The following PPP3CA variants were observed in gnomAD, a reference collection of about 807,000 sequenced individuals.
PPP3CA encodes CAM-PRP catalytic subunit.
Under a neutral mutation model 66.5 loss-of-function variants are expected in PPP3CA, and 14 were observed. The ratio of observed to expected loss-of-function variants is 0.21; its 90% CI spans 0.14 to 0.33. PPP3CA has a LOEUF of 0.33. Among genes scored for constraint, PPP3CA ranks in the 10% least tolerant of loss-of-function variants. PPP3CA has a pLI of 1.00. For missense variants in PPP3CA, 317 were observed against 639.5 expected (o/e 0.50, Z 5.44); for synonymous variants, 232 against 226.2 (o/e 1.03, Z -0.23).
rs902681986 is a variant in PPP3CA, at chr4:101,221,934, T to C, written c.59-25818A>G. Among the ~76,000 whole-genome samples the C allele has an allele frequency of 1.5e-4, 23 of 151,598 alleles. 1 individual carries two copies. The highest frequency in any genetic ancestry group is 5.3e-4 in the African/African-American group (22 of 41,382). On this transcript the variant is annotated intron_variant, in intron 1 of 13. Transcript: ENST00000394854. ...TTTCTTATAGATTGCATTCTTAATA[T>C]TACCCAAACACACTTAAAAATAGGA... is the stretch of plus-strand genomic sequence containing the variant.
chr4:101,295,707 G>A (rs1728181388), intron 1 of PPP3CA, among the ~76,000 whole-genome samples: 1 of 152,176 alleles, frequency 6.6e-6, no homozygotes, highest in South Asian at 2.1e-4. Flanking sequence ...AATTTAACCA[G>A]ATGATTAGCA....
intron 1 of PPP3CA, among the ~76,000 whole-genome samples, chr4:101,316,963 G>A (rs2110317131): frequency 6.6e-6 from 1 of 152,150 alleles, no homozygotes; most frequent in East Asian, 1.9e-4. Context: ...AAATCTTCTT[G>A]GGAAGATAGA....
At chr4:101,029,818 G>A (rs902175421) in intron 12 of PPP3CA, among the ~76,000 whole-genome samples, 4 of 149,628 alleles carry the variant, frequency 2.7e-5, no homozygotes, top group African/African-American at 7.4e-5. Context: ...TCTGGGGGTC[G>A]GTGGGTAGGA....
chr4:101,190,188 A>G (rs1328239923), intron 2 of PPP3CA, among the ~76,000 whole-genome samples: 2 of 152,118 alleles, frequency 1.3e-5, no homozygotes, highest in African/African-American at 2.4e-5. Flanking sequence ...CACTTCTCTT[A>G]AAGCCACGAT....
chr4:101,185,427 C>T (rs1179161930), intron 2 of PPP3CA, among the ~76,000 whole-genome samples: 1 of 152,132 alleles, frequency 6.6e-6, no homozygotes, highest in African/African-American at 2.4e-5. Flanking sequence ...TAACACAGTA[C>T]TTGAAAGCAA....
intron 2 of PPP3CA, among the ~76,000 whole-genome samples, chr4:101,120,526 G>C (rs1721993232): frequency 1.3e-5 from 2 of 151,854 alleles, no homozygotes; most frequent in South Asian, 4.1e-4. Context: ...TTACTCAACA[G>C]AGGCAGTAGC....
chr4:101,061,669 C>T (rs1357509217), intron 9 of PPP3CA, among the ~76,000 whole-genome samples: 2 of 151,826 alleles, frequency 1.3e-5, no homozygotes, highest in East Asian at 1.9e-4. Flanking sequence ...TTTCAGAATA[C>T]TAATTTTAAA....
chr4:101,254,289 G>T (rs1411402869), intron 1 of PPP3CA, among the ~76,000 whole-genome samples: 2 of 151,956 alleles, frequency 1.3e-5, no homozygotes, highest in Non-Finnish European at 2.9e-5. Flanking sequence ...AGCACTTGAT[G>T]AATAATGAAA....
chr4:101,261,722 A>T (rs184608837), intron 1 of PPP3CA, among the ~76,000 whole-genome samples: 102 of 152,202 alleles, frequency 6.7e-4, no homozygotes, highest in African/African-American at 2.2e-3. Context: ...AAGTTTAGAA[A>T]TATCTAATTA....
At chr4:101,124,733 A>AAGAAAGAAAGAGAG (rs1722173002) in intron 2 of PPP3CA, among the ~76,000 whole-genome samples, 3 of 69,234 alleles carry the variant, frequency 4.3e-5, no homozygotes, top group Non-Finnish European at 8.8e-5. Context: ...AAGAGAAAGA[A>AAGAAAGAAAGAGAG]AGAAAGAAAG....
At chr4:101,152,574 C>A (rs571295510) in intron 2 of PPP3CA, among the ~76,000 whole-genome samples, 1 of 152,104 alleles carries the variant, frequency 6.6e-6, no homozygotes, top group African/African-American at 2.4e-5. Flanking sequence ...AGATTTTGGA[C>A]AGAAAATAAT....
chr4:101,187,412 T>C (rs1724446674), intron 2 of PPP3CA, among the ~76,000 whole-genome samples: 2 of 152,138 alleles, frequency 1.3e-5, no homozygotes, highest in Non-Finnish European at 1.5e-5. Flanking sequence ...GGAGCTAAAA[T>C]CTTCTCATGT....
intron 1 of PPP3CA, among the ~76,000 whole-genome samples, chr4:101,324,157 GAA>G (rs1491294002): frequency 0.027 from 1,445 of 52,876 alleles, 27 homozygotes; most frequent in East Asian, 0.051. Flanking sequence ...AGGGAGGGAG[GAA>G]GGAAGGAAGG....
intron 1 of PPP3CA, among the ~76,000 whole-genome samples, chr4:101,241,025 A>G (rs13103487): frequency 0.56 from 84,517 of 151,856 alleles, 27,419 homozygotes; most frequent in Non-Finnish European, 0.74. Context: ...GCACTACCAC[A>G]GCTGGCTAAT....
chr4:101,243,849 T>A (rs1726391720), intron 1 of PPP3CA, among the ~76,000 whole-genome samples: 1 of 152,184 alleles, frequency 6.6e-6, no homozygotes, highest in Non-Finnish European at 1.5e-5. Context: ...CTTTTTGACC[T>A]TGAATTTTCT....
At chr4:101,300,275 G>T (rs948986065) in intron 1 of PPP3CA, among the ~76,000 whole-genome samples, 4 of 152,246 alleles carry the variant, frequency 2.6e-5, no homozygotes, top group African/African-American at 4.8e-5. Context: ...TAAACACTTG[G>T]TATCCAGAAG....
rs1726501060 is a variant in PPP3CA, at chr4:101,023,958, C to A, written c.*1907G>T. ...AACTCTTTTCTGTGATGAAAATGCACTTAGTAGCCTAGTACTTTTTGCTTT... is the reference window on the plus strand; with the variant it reads ...AACTCTTTTCTGTGATGAAAATGCAATTAGTAGCCTAGTACTTTTTGCTTT... On this transcript the variant is annotated 3_prime_UTR_variant, in exon 14 of 14. Transcript: ENST00000394854. 3.9e-5 allele frequency: 6 copies of A among 152,586 alleles called. No individual in the cohort carries two copies. Among genetic ancestry groups the A allele is most frequent in the Admixed American group, 2.6e-4 (4 of 15,274 alleles). 9.5% of individuals were successfully genotyped at this position (152,586 alleles called of 1,614,324 possible).
chr4:101,204,004 CTATTGCCCA>C (rs1393625233), intron 1 of PPP3CA, among the ~76,000 whole-genome samples: 1 of 152,104 alleles, frequency 6.6e-6, no homozygotes. Context: ...GGGTCTCCCT[CTATTGCCCA>C]TGCTGGAGGG....
chr4:101,122,617 G>A (rs1722065617), intron 2 of PPP3CA, among the ~76,000 whole-genome samples: 1 of 152,158 alleles, frequency 6.6e-6, no homozygotes, highest in African/African-American at 2.4e-5. Flanking sequence ...TTTGTCATAA[G>A]CTGAAAGACC....
Sources: allele counts gnomAD v4.1 joint callset (sites outside exome capture counted in the v4.1 genomes callset), GRCh38; gene constraint gnomAD v4.1.1; transcripts MANE v1.5; gene names NCBI Gene and HGNC (gene_info 2026-07-23, HGNC 2026-07-21).